SLC6A17: variants seen among roughly 807,000 people sequenced by gnomAD.
SLC6A17 encodes sodium-dependent neutral amino acid transporter SLC6A17.
SLC6A17 carries 21 observed loss-of-function variants against 64.5 expected under a neutral mutation model. The ratio of observed to expected loss-of-function variants is 0.33; its 90% confidence interval spans 0.23 to 0.47. The LOEUF (loss-of-function observed/expected upper bound fraction) is 0.47, where lower values mean the gene tolerates loss of function less well. Ranked by LOEUF, SLC6A17 falls within the 20% of genes least tolerant of loss-of-function variation. The pLI, the probability that SLC6A17 is intolerant of heterozygous loss-of-function variation, is 1.00. For synonymous variants in SLC6A17, 372 were observed against 399.5 expected (o/e 0.93, Z 0.82); for missense variants, 682 against 963.2 (o/e 0.71, Z 3.86).
At chr1:110,196,018 A>G (rs1403449432) in intron 10 of SLC6A17, among the ~76,000 whole-genome samples, 7 of 152,052 alleles carry the variant, frequency 4.6e-5, no homozygotes, top group African/African-American at 1.7e-4. Flanking sequence ...ACTCTTCAGA[A>G]CTCTGTTAAG....
At chr1:110,188,262 C>T (rs552760128) in intron 6 of SLC6A17, among the ~76,000 whole-genome samples, 14 of 152,292 alleles carry the variant, frequency 9.2e-5, no homozygotes, top group Non-Finnish European at 1.8e-4. Flanking sequence ...GATAAGGAAC[C>T]GTGGGCCTGT....
At chr1:110,180,107 A>C (rs1371797228) in intron 6 of SLC6A17, among the ~76,000 whole-genome samples, 2 of 152,176 alleles carry the variant, frequency 1.3e-5, no homozygotes, top group East Asian at 1.9e-4. Context: ...TTAAAAATCA[A>C]CATAAAAATA....
intron 1 of SLC6A17, among the ~76,000 whole-genome samples, chr1:110,165,915 A>G (rs1367413798): frequency 1.3e-5 from 2 of 152,206 alleles, no homozygotes; most frequent in Non-Finnish European, 2.9e-5. Context: ...GGGTGCCTTG[A>G]AATATAACGG....
chr1:110,190,165 G>A (rs1656788031), intron 6 of SLC6A17, among the ~76,000 whole-genome samples: 1 of 152,126 alleles, frequency 6.6e-6, no homozygotes, highest in Non-Finnish European at 1.5e-5. Context: ...GTACACAGGG[G>A]TGGGCTGGGG....
chr1:110,157,558 G>A (rs368708937), intron 1 of SLC6A17, among the ~76,000 whole-genome samples: 50 of 151,958 alleles, frequency 3.3e-4, no homozygotes, highest in African/African-American at 1.1e-3. Flanking sequence ...GGGCGACAAA[G>A]CAAGACTCCA....
At chr1:110,162,945 G>A (rs1206327413) in intron 1 of SLC6A17, among the ~76,000 whole-genome samples, 2 of 150,974 alleles carry the variant, frequency 1.3e-5, no homozygotes, top group Admixed American at 6.6e-5. Context: ...CAGGCCAGGT[G>A]GCTGGCAAGC....
At chr1:110,174,715 C>A in intron 4 of SLC6A17, 64 bp from the exon 5 acceptor site, 1 of 1,571,158 alleles carries the variant, frequency 6.4e-7, no homozygotes, top group Non-Finnish European at 8.7e-7. Flanking sequence ...AGTGGTGGTC[C>A]AGCAGAGGAA....
chr1:110,198,483 A>G lies in SLC6A17; in HGVS notation c.*39A>G, dbSNP rs367793102. 5.1e-6 allele frequency: 8 copies of G among 1,572,608 alleles called. No individual in the cohort carries two copies. The African/African-American group carries it at 8.1e-5, about 16-fold the overall frequency. The stretch of plus-strand genomic sequence containing the variant: ...CCTGCCCGCCTCTCCCCCCACGCTC[A>G]ACCTGCCCACTTGTCCAGGCCTGGC... On this transcript the variant is annotated 3_prime_UTR_variant, in exon 12 of 12. Transcript: ENST00000331565.
intron 1 of SLC6A17, among the ~76,000 whole-genome samples, chr1:110,153,550 T>TGTGTGTGTGTGTGTGC (rs1019826859): frequency 4.6e-5 from 7 of 151,698 alleles, no homozygotes; most frequent in Non-Finnish European, 5.9e-5. Flanking sequence ...TGTGTGTGTG[T>TGTGTGTGTGTGTGTGC]GCATTGCATT....
intron 6 of SLC6A17, among the ~76,000 whole-genome samples, chr1:110,178,361 C>T (rs1253979076): frequency 6.6e-6 from 1 of 152,210 alleles, no homozygotes; most frequent in Non-Finnish European, 1.5e-5. Context: ...GGTCCCAACA[C>T]ACACAATACT....
chr1:110,186,458 A>AAGG (rs71096339), intron 6 of SLC6A17, among the ~76,000 whole-genome samples: 38,961 of 98,016 alleles, frequency 0.4, 6,104 homozygotes, highest in South Asian at 0.47. Flanking sequence ...AAAAAAAAAA[A>AAGG]AAGGAAAGAG....
rs1693159 is a variant in SLC6A17 at position 110,150,621 on chromosome 1, C to T, written c.-350C>T. On this transcript the variant is annotated 5_prime_UTR_variant, in exon 1 of 12. Transcript: ENST00000331565. Reference sequence around the variant, plus strand: ...CAGTCTTCGCAATCCCGCGCGCTCTCTCCGCCGTGGGACCTGGGTCCCCGC... The same window carrying T: ...CAGTCTTCGCAATCCCGCGCGCTCTTTCCGCCGTGGGACCTGGGTCCCCGC... 6.6e-6 allele frequency: 1 copy of T among 152,342 alleles called. No individual in the cohort carries two copies. Among genetic ancestry groups the T allele is most frequent in the Non-Finnish European group, 1.5e-5 (1 of 68,122 alleles). 9.4% of individuals were successfully genotyped at this position (152,342 alleles called of 1,614,324 possible).
Position 110,198,657 on chromosome 1 carries a change from G to A in SLC6A17, c.*213G>A. 1.3e-6 allele frequency: 1 copy of A among 776,974 alleles called. No homozygotes were observed. The highest frequency in any genetic ancestry group is 1.9e-6 in the Non-Finnish European group (1 of 519,016). The allele number at this position is 776,974 out of a possible 1,614,324, so 48.1% of individuals were successfully genotyped here. A position where few individuals can be genotyped will look rare whatever the true frequency, so the allele number is the denominator to read the frequency against. ...GGGAGCAGCTCTGTTTCCTAATTCA[G>A]GACCCCACTCATCTAGCCCTCCAAG... On this transcript the variant is annotated 3_prime_UTR_variant, in exon 12 of 12. Transcript: ENST00000331565.
chr1:110,194,865 A>G (rs767722569), intron 9 of SLC6A17, 94 bp downstream of exon 9: 1 of 1,470,684 alleles, frequency 6.8e-7, no homozygotes, highest in South Asian at 1.2e-5. Context: ...TCATGACCCC[A>G]CACCCAGAAG....
rs1476576764 is a variant in SLC6A17 at position 110,194,572 on chromosome 1, C to A, written c.1300-7C>A. The A allele has an allele frequency of 3.1e-6, 5 of 1,612,334 alleles. No homozygotes were observed. In the Admixed American group the frequency reaches 5.0e-5, roughly 16 times the overall value. Reference sequence around the variant, plus strand: ...CTCACAGGCCCTGCTTTCCACCCCACCTTCAGTCCGTGCAGGGCACAGGCC... The same window carrying A: ...CTCACAGGCCCTGCTTTCCACCCCAACTTCAGTCCGTGCAGGGCACAGGCC... On this transcript the variant is annotated splice_region_variant and splice_polypyrimidine_tract_variant and intron_variant, in intron 8 of 11. Coordinates refer to ENST00000331565, the MANE Select transcript of SLC6A17 (RefSeq NM_001010898.4).
intron 1 of SLC6A17, among the ~76,000 whole-genome samples, chr1:110,158,544 A>T (rs1266740262): frequency 1.3e-5 from 2 of 152,232 alleles, no homozygotes; most frequent in East Asian, 3.8e-4. Context: ...GCCTGGCCTG[A>T]GTTGAGCATA....
chr1:110,155,815 C>T (rs1003044208), intron 1 of SLC6A17, among the ~76,000 whole-genome samples: 2 of 152,150 alleles, frequency 1.3e-5, no homozygotes, highest in Non-Finnish European at 2.9e-5. Flanking sequence ...TGGTCCACAC[C>T]CCAAAATTCT....
intron 9 of SLC6A17, 87 bp downstream of exon 9, chr1:110,194,858 T>TGAAG: frequency 3.3e-6 from 5 of 1,508,364 alleles, no homozygotes; most frequent in Non-Finnish European, 4.5e-6. Context: ...GGGTCCTTCA[T>TGAAG]GACCCCACAC....
At chr1:110,196,368 A>C (rs642655) in intron 10 of SLC6A17, among the ~76,000 whole-genome samples, 96,536 of 151,978 alleles carry the variant, frequency 0.64, 31,378 homozygotes, top group African/African-American at 0.74. Flanking sequence ...GGCAAGACCC[A>C]CCTCCACTAA....
Sources: allele counts gnomAD v4.1 joint callset (sites outside exome capture counted in the v4.1 genomes callset), GRCh38; gene constraint gnomAD v4.1.1; transcripts MANE v1.5; gene names NCBI Gene and HGNC (gene_info 2026-07-23, HGNC 2026-07-21).